The following ITGA1 variants were observed in gnomAD, a reference collection of about 807,000 sequenced individuals.
ITGA1 encodes integrin alpha-1.
A neutral mutation model predicts 145.9 loss-of-function variants in ITGA1; 85 were observed. The observed-to-expected ratio is 0.58, with a 90% CI of 0.49 to 0.70. ITGA1 has a LOEUF of 0.70. Among genes scored for constraint, ITGA1 ranks in the 30% least tolerant of loss-of-function variants. The pLI is 0.00. For synonymous variants in ITGA1, 520 were observed against 495.3 expected, an observed-to-expected ratio of 1.05 and a Z score of -0.66; for missense variants, 1,351 against 1,418.7, an observed-to-expected ratio of 0.95 and a Z score of 0.77.
chr5:52,801,913 A>T (rs912585407), intron 1 of ITGA1: 1 of 1,201,350 alleles, frequency 8.3e-7, no homozygotes, highest in Non-Finnish European at 1.1e-6. Context: ...CATCCTTGTG[A>T]CAGAAAGCTG....
chr5:52,918,144 C>G (rs1750676318), intron 15 of ITGA1, among the ~76,000 whole-genome samples: 1 of 152,244 alleles, frequency 6.6e-6, no homozygotes, highest in East Asian at 1.9e-4. Flanking sequence ...CTCTTAATAG[C>G]TTTTGACCTG....
chr5:52,801,437 C>T (rs1456074936), intron 1 of ITGA1: 1 of 1,613,906 alleles, frequency 6.2e-7, no homozygotes, highest in Non-Finnish European at 8.5e-7. Context: ...CACAAGTACT[C>T]CCTGAAAGAG....
chr5:52,918,846 A>C lies in ITGA1; in HGVS notation c.2103A>C (p.Thr701=). 6.2e-7 allele frequency: 1 copy of C among 1,610,760 alleles called. No individual in the cohort carries two copies. Among genetic ancestry groups the C allele is most frequent in the Admixed American group, 1.7e-5 (1 of 59,358 alleles). The change falls in exon 16 of 29, where the codon ACA becomes ACC. Residue 701 remains threonine, a synonymous_variant. Coordinates refer to ENST00000282588, the MANE Select transcript of ITGA1 (RefSeq NM_181501.2). ...AGGAAACAGTATGCATAAATGCTAC[A>C]GTGTGTTTTGATGTGAAATTAAAGT... is the stretch of plus-strand genomic sequence containing the variant. The part of the protein sequence containing the change: ...EGKETVCINA[T]VCFDVKLKSK...
intron 23 of ITGA1, among the ~76,000 whole-genome samples, chr5:52,935,717 T>G (rs1217724381): frequency 6.6e-6 from 1 of 152,198 alleles, no homozygotes; most frequent in Admixed American, 6.5e-5. Flanking sequence ...CTCAATAAAC[T>G]TATACATTTA....
chr5:52,891,251 G>GTTTTTTTTTTT (rs1247320379), intron 8 of ITGA1, among the ~76,000 whole-genome samples: 1 of 110,410 alleles, frequency 9.1e-6, no homozygotes. Context: ...ACCCAGCAAT[G>GTTTTTTTTTTT]TTTTTTTTTT....
At chr5:52,911,896 C>G (rs1302034672) in intron 14 of ITGA1, among the ~76,000 whole-genome samples, 1 of 115,322 alleles carries the variant, frequency 8.7e-6, no homozygotes, top group Non-Finnish European at 1.8e-5. Context: ...TATAGCATAT[C>G]TAATATATAG....
chr5:52,880,770 G>C (rs758802392), intron 6 of ITGA1, among the ~76,000 whole-genome samples: 2 of 152,230 alleles, frequency 1.3e-5, no homozygotes, highest in Non-Finnish European at 2.9e-5. Flanking sequence ...CTGAATTAAA[G>C]AGACATTCCT....
At chr5:52,833,114 C>A (rs1749103551) in intron 1 of ITGA1, among the ~76,000 whole-genome samples, 4 of 151,774 alleles carry the variant, frequency 2.6e-5, no homozygotes, top group African/African-American at 7.3e-5. Context: ...ATCACTTGAA[C>A]CCAGGATGTG....
chr5:52,907,888 C>A (rs539165475), intron 12 of ITGA1, among the ~76,000 whole-genome samples: 1 of 152,304 alleles, frequency 6.6e-6, no homozygotes, highest in South Asian at 2.1e-4. Context: ...CCTCTCAAGG[C>A]CCTCAAAAGC....
chr5:52,808,676 C>CTTTTTTTTTTT (rs60113844), intron 1 of ITGA1, among the ~76,000 whole-genome samples: 1,363 of 69,404 alleles, frequency 0.02, 1 homozygote, highest in East Asian at 0.031. Context: ...TTCTTTCTTT[C>CTTTTTTTTTTT]TTTTTTTTTT....
intron 22 of ITGA1, 27 bp downstream of exon 22, chr5:52,932,163 G>T (rs751631328): frequency 9.5e-6 from 13 of 1,370,160 alleles, no homozygotes; most frequent in Non-Finnish European, 1.4e-5. Flanking sequence ...TTTTTATGTG[G>T]ATGCCTTTCT....
At chr5:52,892,546 A>G (rs1162250014) in intron 8 of ITGA1, among the ~76,000 whole-genome samples, 3 of 152,190 alleles carry the variant, frequency 2.0e-5, no homozygotes, top group African/African-American at 4.8e-5. Context: ...AGAGACCTAC[A>G]TGTGAATATT....
intron 14 of ITGA1, 51 bp downstream of exon 14, chr5:52,910,470 A>G (rs961589176): frequency 1.3e-6 from 2 of 1,567,940 alleles, no homozygotes; most frequent in African/African-American, 2.7e-5. Flanking sequence ...AGTCGGTTCA[A>G]TGCCAGGCAT....
rs1379688388 is a variant in ITGA1, at chr5:52,861,563, T to G, written c.295+4T>G. On this transcript the variant is annotated splice_donor_region_variant and intron_variant, in intron 3 of 28. Transcript: ENST00000282588. ...TGTGTAAAGTTGGATCTACCAGGTA[T>G]GTAAAATTAAAAAAATCTGGTTTTA... The G allele has an allele frequency of 6.3e-7, 1 of 1,583,782 alleles. No individual in the cohort carries two copies. Among genetic ancestry groups the G allele is most frequent in the Admixed American group, 1.7e-5 (1 of 59,720 alleles).
chr5:52,917,021 A>G (rs1750658222), intron 15 of ITGA1, among the ~76,000 whole-genome samples: 1 of 152,162 alleles, frequency 6.6e-6, no homozygotes, highest in South Asian at 2.1e-4. Flanking sequence ...AATGGACCAA[A>G]CCGATATACT....
At chr5:52,930,181 A>C (rs1750874051) in intron 21 of ITGA1, among the ~76,000 whole-genome samples, 1 of 152,178 alleles carries the variant, frequency 6.6e-6, no homozygotes, top group African/African-American at 2.4e-5. Context: ...CTCAATAAGG[A>C]AAGTGAAATA....
At chr5:52,898,940 A>G (rs1233587933) in intron 11 of ITGA1, among the ~76,000 whole-genome samples, 1 of 152,164 alleles carries the variant, frequency 6.6e-6, no homozygotes. Flanking sequence ...CTTGCCAGAA[A>G]TGAGGAGTTG....
At chr5:52,907,938 C>T (rs566228948) in intron 12 of ITGA1, among the ~76,000 whole-genome samples, 1 of 152,162 alleles carries the variant, frequency 6.6e-6, no homozygotes, top group Non-Finnish European at 1.5e-5. Context: ...GTCTTTTGCC[C>T]ACATGCCTAG....
chr5:52,907,285 C>T (rs907820846), intron 12 of ITGA1, among the ~76,000 whole-genome samples: 2 of 152,090 alleles, frequency 1.3e-5, no homozygotes, highest in African/African-American at 4.8e-5. Context: ...ATTGTTGTAG[C>T]TCAAACTGGA....
Sources: gnomAD v4.1 joint callset for allele counts (sites outside exome capture counted in the v4.1 genomes callset) on GRCh38, gnomAD v4.1.1 for gene constraint, MANE v1.5 for transcripts, NCBI Gene and HGNC (gene_info 2026-07-23, HGNC 2026-07-21) for gene names.